Variants in SLC35F2 observed in about 807,000 individuals in gnomAD.
SLC35F2 encodes the protein solute carrier family 35 member F2.
In SLC35F2, 25 loss-of-function variants were observed where a neutral mutation model predicts 38.1. The observed-to-expected ratio is 0.66, with a 90% confidence interval of 0.48 to 0.92. The LOEUF (loss-of-function observed/expected upper bound fraction) is 0.92. Among genes scored for constraint, SLC35F2 ranks in the 40% least tolerant of loss-of-function variants. SLC35F2 has a pLI of 0.00. For missense variants in SLC35F2, 409 were observed against 452.9 expected, an observed-to-expected ratio of 0.90 and a Z score of 0.88; for synonymous variants, 173 against 181.7, an observed-to-expected ratio of 0.95 and a Z score of 0.38.
At chr11:107,856,710 A>G (rs972233070) in intron 1 of SLC35F2, among the ~76,000 whole-genome samples, 3 of 146,122 alleles carry the variant, frequency 2.1e-5, no homozygotes, top group Non-Finnish European at 4.5e-5. Context: ...GGAAGGTGAC[A>G]GAATGAGACT....
chr11:107,813,982 C>T (rs1591192106), intron 2 of SLC35F2, among the ~76,000 whole-genome samples: 1 of 152,042 alleles, frequency 6.6e-6, no homozygotes, highest in East Asian at 1.9e-4. Flanking sequence ...TCAATAAAGA[C>T]TTTTAGATAG....
intron 1 of SLC35F2, among the ~76,000 whole-genome samples, chr11:107,826,549 A>G (rs745384276): frequency 2.0e-5 from 3 of 152,156 alleles, no homozygotes; most frequent in Non-Finnish European, 2.9e-5. Context: ...CAGCCAAAAC[A>G]AAACTTTTTA....
At chr11:107,794,262 G>A (rs1039180282) in intron 7 of SLC35F2, among the ~76,000 whole-genome samples, 5 of 151,934 alleles carry the variant, frequency 3.3e-5, no homozygotes, top group African/African-American at 1.2e-4. Context: ...TGTATATTTG[G>A]TAGAGACGGG....
At chr11:107,808,311 T>C (rs1255436212) in intron 3 of SLC35F2, among the ~76,000 whole-genome samples, 1 of 151,752 alleles carries the variant, frequency 6.6e-6, no homozygotes, top group African/African-American at 2.4e-5. Flanking sequence ...GGATTAAGTG[T>C]GCCAAAATTA....
intron 1 of SLC35F2, among the ~76,000 whole-genome samples, chr11:107,849,480 A>C (rs754144309): frequency 5.3e-5 from 8 of 152,014 alleles, no homozygotes; most frequent in Non-Finnish European, 1.2e-4. Context: ...CTCTACTAAA[A>C]ATGCAAAAAC....
chr11:107,847,420 T>G (rs73005362), intron 1 of SLC35F2, among the ~76,000 whole-genome samples: 6 of 152,306 alleles, frequency 3.9e-5, no homozygotes, highest in African/African-American at 1.2e-4. Context: ...GCAATTCACT[T>G]CTTCCACAAA....
At chr11:107,855,816 G>GAAA (rs10691375) in intron 1 of SLC35F2, among the ~76,000 whole-genome samples, 64,580 of 148,456 alleles carry the variant, frequency 0.44, 14,049 homozygotes, top group Admixed American at 0.53. Context: ...CATTAGGAGA[G>GAAA]AAAAAAAAAA....
intron 3 of SLC35F2, among the ~76,000 whole-genome samples, chr11:107,808,943 CTATCTT>C (rs1308299579): frequency 2.0e-5 from 3 of 152,174 alleles, no homozygotes; most frequent in South Asian, 2.1e-4. Context: ...TAAATTTGCT[CTATCTT>C]TAACAACTTT....
intron 1 of SLC35F2, among the ~76,000 whole-genome samples, chr11:107,839,456 G>A (rs907334744): frequency 5.3e-5 from 8 of 151,954 alleles, no homozygotes; most frequent in South Asian, 2.1e-4. Context: ...GCAAGACACC[G>A]TTTCAAAAAA....
chr11:107,855,153 A>G (rs1860256337), intron 1 of SLC35F2, among the ~76,000 whole-genome samples: 1 of 152,160 alleles, frequency 6.6e-6, no homozygotes. Context: ...TTAATTAACA[A>G]AAGAGCCCAG....
intron 1 of SLC35F2, among the ~76,000 whole-genome samples, chr11:107,843,864 AAAAAATATATATATAT>A (rs1250253369): frequency 2.0e-4 from 7 of 35,056 alleles, no homozygotes; most frequent in African/African-American, 6.2e-4. Context: ...AAAAAAAAAA[AAAAAATATATATATAT>A]ATATATATAT....
intron 1 of SLC35F2, among the ~76,000 whole-genome samples, chr11:107,822,308 A>T (rs1859684520): frequency 1.3e-5 from 2 of 152,244 alleles, no homozygotes; most frequent in African/African-American, 4.8e-5. Flanking sequence ...CTTCTAGGAA[A>T]CTTAAAATGT....
At position 107,792,414 on chromosome 11, in the gene SLC35F2, C is replaced by T; in HGVS notation, c.*201G>A. The T allele has an allele frequency of 3.5e-6, 2 of 567,758 alleles. 1 individual carries two copies. Among genetic ancestry groups the T allele is most frequent in the South Asian group, 5.2e-5 (2 of 38,744 alleles). The allele number at this position is 567,758 out of a possible 1,614,324, so 35.2% of individuals were successfully genotyped here. A position where few individuals can be genotyped will look rare whatever the true frequency, so the allele number is the denominator to read the frequency against. On this transcript the variant is annotated 3_prime_UTR_variant, in exon 8 of 8. Transcript: ENST00000525815. ...ATATTGGTCCTCAAACACAGAAACA[C>T]ACTCTTAGCTTGGTTTCTGCTCTAT...
intron 4 of SLC35F2, 164 bp downstream of exon 4, chr11:107,806,553 T>G: frequency 1.5e-6 from 1 of 654,914 alleles, no homozygotes; most frequent in South Asian, 1.7e-5. Flanking sequence ...TCAATTAGAT[T>G]TTATACTATC....
At chr11:107,796,881 C>T (rs1296734863) in intron 7 of SLC35F2, among the ~76,000 whole-genome samples, 12 of 152,142 alleles carry the variant, frequency 7.9e-5, no homozygotes, top group Non-Finnish European at 1.5e-5. Flanking sequence ...CCATGTTGCC[C>T]AGGCTGGTCT....
chr11:107,816,447 A>AT (rs5794572), intron 1 of SLC35F2, among the ~76,000 whole-genome samples: 31,295 of 118,252 alleles, frequency 0.26, 6,437 homozygotes, highest in African/African-American at 0.57. Context: ...TGCCCAGCTA[A>AT]TTTTTTTTTT....
intron 1 of SLC35F2, among the ~76,000 whole-genome samples, chr11:107,817,879 C>G (rs138180630): frequency 0.055 from 8,350 of 150,850 alleles, 462 homozygotes; most frequent in African/African-American, 0.14. Flanking sequence ...CCAACATGGT[C>G]AAACCCCATC....
At chr11:107,807,271 C>CAAAAAAAAAAAAAAAAAAAAAAAA (rs201964530) in intron 3 of SLC35F2, among the ~76,000 whole-genome samples, 6 of 70,890 alleles carry the variant, frequency 8.5e-5, no homozygotes, top group African/African-American at 1.1e-4. Context: ...CCTGTCTGTA[C>CAAAAAAAAAAAAAAAAAAAAAAAA]AAAAAAAAAA....
At chr11:107,801,459 T>C (rs1315932954) in intron 7 of SLC35F2, among the ~76,000 whole-genome samples, 1 of 152,160 alleles carries the variant, frequency 6.6e-6, no homozygotes, top group Non-Finnish European at 1.5e-5. Flanking sequence ...ATAAAAATGA[T>C]AACATGATGA....
Sources: gnomAD v4.1 joint callset for allele counts (sites outside exome capture counted in the v4.1 genomes callset) on GRCh38, gnomAD v4.1.1 for gene constraint, MANE v1.5 for transcripts, NCBI Gene and HGNC (gene_info 2026-07-23, HGNC 2026-07-21) for gene names.